Variants in TLK1 observed in about 807,000 individuals in gnomAD.
The protein encoded by TLK1 is tousled like kinase 1.
A neutral mutation model predicts 105.3 loss-of-function variants in TLK1; 24 were observed. The observed-to-expected ratio is 0.23, with a 90% CI of 0.17 to 0.32. TLK1 has a LOEUF of 0.32. Ranked by LOEUF, TLK1 falls within the 10% of genes least tolerant of loss-of-function variation. The probability of loss-of-function intolerance (pLI) is 1.00; values close to 1 mark genes in which losing one functional copy is unlikely to be tolerated. For missense variants in TLK1, 558 were observed against 910.5 expected, an observed-to-expected ratio of 0.61 and a Z score of 4.98; for synonymous variants, 321 against 310.4, an observed-to-expected ratio of 1.03 and a Z score of -0.36.
Position 171,102,939 on chromosome 2 carries a change from T to C in TLK1, c.258+14800A>G, listed in dbSNP as rs952539755. ...TATTACCTATGGAATCAATAAGTTG[T>C]AGTATTAAAAAAAAGAAGTGGAGAA... On this transcript the variant is annotated intron_variant, in intron 2 of 20. Transcript: ENST00000431350. 5.3e-5 allele frequency among the ~76,000 whole-genome samples: 8 copies of C among 152,130 alleles called. No homozygotes were observed. The South Asian group carries it at 1.7e-3, about 32-fold the overall frequency.
At position 171,060,122 on chromosome 2, in the gene TLK1, C is replaced by T; in HGVS notation, c.406+959G>A. 3 of 1,385,012 alleles carry T rather than the reference C, an allele frequency of 2.2e-6. No individual in the cohort carries two copies. The South Asian group carries it at 4.5e-5, about 21-fold the overall frequency. The allele number at this position is 1,385,012 out of a possible 1,614,324, so 85.8% of individuals were successfully genotyped here. Reference sequence around the variant, plus strand: ...GTGAAACAAGAAAAAACAATTTAGGCAACCATCCTAAAAACAAAGATAATC... The same window carrying T: ...GTGAAACAAGAAAAAACAATTTAGGTAACCATCCTAAAAACAAAGATAATC... On this transcript the variant is annotated intron_variant, in intron 4 of 20. Transcript: ENST00000431350.
intron 11 of TLK1, among the ~76,000 whole-genome samples, chr2:171,035,615 C>T (rs935946126): frequency 6.6e-6 from 1 of 152,102 alleles, no homozygotes; most frequent in African/African-American, 2.4e-5. Flanking sequence ...TATCCTAATC[C>T]TTGAGACATG....
chr2:171,045,582 T>C (rs1449354505), intron 11 of TLK1: 3 of 152,194 alleles, frequency 2.0e-5, no homozygotes, highest in African/African-American at 7.2e-5. Context: ...TAAGTTTGGA[T>C]ACATCTGTAT....
intron 1 of TLK1, among the ~76,000 whole-genome samples, chr2:171,207,290 T>C (rs1208887890): frequency 6.6e-6 from 1 of 152,110 alleles, no homozygotes; most frequent in Non-Finnish European, 1.5e-5. Flanking sequence ...AGAAGGCAAA[T>C]TGAAAAGGCT....
intron 3 of TLK1, among the ~76,000 whole-genome samples, chr2:171,079,648 C>T (rs1034603809): frequency 4.1e-4 from 63 of 152,194 alleles, no homozygotes; most frequent in African/African-American, 1.5e-3. Flanking sequence ...AGAGGAAAAA[C>T]TTTTTCATTC....
chr2:171,137,018 G>A (rs1317840716), intron 1 of TLK1, among the ~76,000 whole-genome samples: 1 of 152,172 alleles, frequency 6.6e-6, no homozygotes, highest in Admixed American at 6.5e-5. Context: ...TCGTAGTTGT[G>A]ACAACTCTTT....
rs1684649657 is a variant in TLK1, at chr2:171,006,292, AAATAT to A, written c.1769-15_1769-11del. The A allele has an allele frequency of 6.3e-7, 1 of 1,575,860 alleles. No individual in the cohort carries two copies. The highest frequency in any genetic ancestry group is 2.2e-5 in the East Asian group (1 of 44,600). ...ACCAGTAGGATGTTTCCTAAGAATA[AAATAT>A]AAGATTCTTTTAATGATACATACAT... is the stretch of plus-strand genomic sequence containing the variant. On this transcript the variant is annotated splice_polypyrimidine_tract_variant and intron_variant, in intron 17 of 20. Coordinates refer to ENST00000431350, the MANE Select transcript of TLK1 (RefSeq NM_012290.5).
intron 1 of TLK1, among the ~76,000 whole-genome samples, chr2:171,122,501 T>C (rs1690693892): frequency 6.6e-6 from 1 of 152,170 alleles, no homozygotes; most frequent in South Asian, 2.1e-4. Context: ...CAGTAATTAC[T>C]ATATACATTC....
intron 14 of TLK1, among the ~76,000 whole-genome samples, chr2:171,007,806 T>C (rs1395546542): frequency 6.6e-6 from 1 of 152,110 alleles, no homozygotes; most frequent in African/African-American, 2.4e-5. Flanking sequence ...CTTCATCTCA[T>C]CTAATACCTA....
intron 1 of TLK1, among the ~76,000 whole-genome samples, chr2:171,130,367 A>C (rs1444871287): frequency 1.3e-5 from 2 of 150,650 alleles, no homozygotes; most frequent in African/African-American, 2.5e-5. Flanking sequence ...GCACCACTGC[A>C]CTCTAGCCTG....
chr2:171,092,307 A>C (rs1689270489), intron 2 of TLK1, among the ~76,000 whole-genome samples: 1 of 152,236 alleles, frequency 6.6e-6, no homozygotes, highest in South Asian at 2.1e-4. Context: ...CAAATGTCTT[A>C]AAGAAGACTT....
chr2:171,008,530 T>C (rs1684751255), intron 14 of TLK1, among the ~76,000 whole-genome samples: 1 of 152,156 alleles, frequency 6.6e-6, no homozygotes, highest in South Asian at 2.1e-4. Context: ...TATAATAAAT[T>C]ATATGTAACA....
intron 18 of TLK1, among the ~76,000 whole-genome samples, chr2:170,998,122 T>A (rs1684170558): frequency 6.6e-6 from 1 of 151,898 alleles, no homozygotes; most frequent in Non-Finnish European, 1.5e-5. Flanking sequence ...CCTACCTACC[T>A]ACCGAAACAA....
At chr2:171,101,751 C>T (rs1689703331) in intron 2 of TLK1, among the ~76,000 whole-genome samples, 1 of 152,086 alleles carries the variant, frequency 6.6e-6, no homozygotes, top group Admixed American at 6.6e-5. Flanking sequence ...ATAGTATGTT[C>T]CACTGCAAGC....
At chr2:171,102,238 T>C (rs1209623737) in intron 2 of TLK1, among the ~76,000 whole-genome samples, 1 of 152,200 alleles carries the variant, frequency 6.6e-6, no homozygotes, top group Non-Finnish European at 1.5e-5. Flanking sequence ...CAATTGACCC[T>C]GCCATGGAAG....
Position 171,185,692 on chromosome 2 carries a change from T to C in TLK1, c.-6+45453A>G, listed in dbSNP as rs563391429. ...TGCTGTTAGATTGGGCTAGTGTCCTTCCTTTGTACTCCCATAGCAGCACAA... is the reference window on the plus strand; with the variant it reads ...TGCTGTTAGATTGGGCTAGTGTCCTCCCTTTGTACTCCCATAGCAGCACAA... On this transcript the variant is annotated intron_variant, in intron 1 of 20. Transcript: ENST00000521943. Among the ~76,000 whole-genome samples, 7 of 152,340 alleles carry C rather than the reference T, an allele frequency of 4.6e-5. No individual in the cohort carries two copies. In the East Asian group the frequency reaches 1.3e-3, roughly 29 times the overall value.
chr2:171,160,030 G>A lies in TLK1; in HGVS notation c.139+260C>T, dbSNP rs951954619. 6.6e-6 allele frequency among the ~76,000 whole-genome samples: 1 copy of A among 152,122 alleles called. No homozygotes were observed. The highest frequency in any genetic ancestry group is 1.5e-5 in the Non-Finnish European group (1 of 68,006). On this transcript the variant is annotated intron_variant, in intron 1 of 20. Transcript: ENST00000431350. This position sits in a 1 kb window ranked among gnomAD's most constrained non-coding sequence, Gnocchi z 4.4. ...GGACTGGCTCCCAGGAACCCCAGGCGAGTCTATGCGCCTCGCCCCGTCCCC... is the reference window on the plus strand; with the variant it reads ...GGACTGGCTCCCAGGAACCCCAGGCAAGTCTATGCGCCTCGCCCCGTCCCC...
intron 1 of TLK1, among the ~76,000 whole-genome samples, chr2:171,225,746 A>G (rs1693885993): frequency 6.6e-6 from 1 of 152,200 alleles, no homozygotes; most frequent in South Asian, 2.1e-4. Context: ...ATGTCCATCA[A>G]TCGTTGAGTG....
chr2:170,990,880 A>G lies in TLK1; in HGVS notation c.*2900T>C, dbSNP rs1243073177. 1 of 70,674 alleles carries G rather than the reference A, an allele frequency of 1.4e-5. No individual in the cohort carries two copies. The highest frequency in any genetic ancestry group is 5.6e-5 in the African/African-American group (1 of 17,726). The allele number at this position is 70,674 out of a possible 1,614,324, so 4.4% of individuals were successfully genotyped here. A position where few individuals can be genotyped will look rare whatever the true frequency, so the allele number is the denominator to read the frequency against. ...GATGAACAGCAAAACAACACACAAT[A>G]TACTCTTTAAATGTTTCACTGAAGC... On this transcript the variant is annotated 3_prime_UTR_variant, in exon 21 of 21. Transcript: ENST00000431350.
Sources: allele counts gnomAD v4.1 joint callset (sites outside exome capture counted in the v4.1 genomes callset), GRCh38; gene constraint gnomAD v4.1.1; non-coding constraint Gnocchi (gnomAD v3.1); transcripts MANE v1.5; gene names NCBI Gene and HGNC (gene_info 2026-07-23, HGNC 2026-07-21).